The following DLGAP2 variants were observed in gnomAD, a reference collection of about 807,000 sequenced individuals.
DLGAP2 encodes DLG associated protein 2, also known as disks large-associated protein 2.
Under a neutral mutation model 100.3 loss-of-function variants are expected in DLGAP2, and 26 were observed. That is an observed-to-expected ratio of 0.26 (90% CI 0.19 to 0.36). DLGAP2 has a LOEUF of 0.36. DLGAP2 is among the 10% of genes least tolerant of loss of function. The pLI, the probability that DLGAP2 is intolerant of heterozygous loss-of-function variation, is 1.00. For missense variants in DLGAP2, 1,858 were observed against 1,453.2 expected (o/e 1.28, Z -4.53); for synonymous variants, 886 against 630.1 (o/e 1.41, Z -6.08).
chr8:1,379,445 C>T (rs1796039935), intron 3 of DLGAP2, among the ~76,000 whole-genome samples: 1 of 152,256 alleles, frequency 6.6e-6, no homozygotes, highest in African/African-American at 2.4e-5. Context: ...CCAAGGCAGC[C>T]TCCGTCTGCC....
intron 1 of DLGAP2, among the ~76,000 whole-genome samples, chr8:805,737 A>G (rs751043152): frequency 6.6e-6 from 1 of 152,046 alleles, no homozygotes; most frequent in African/African-American, 2.4e-5. Flanking sequence ...AGTAGCTGGG[A>G]CTACTCCTGA....
rs75959456 is a variant in DLGAP2, at chr8:1,591,856, C to G, written c.1442+25962C>G. On this transcript the variant is annotated intron_variant, in intron 6 of 14. Coordinates refer to ENST00000637795, the MANE Select transcript of DLGAP2 (RefSeq NM_001346810.2). ...TGAAGCCCTCGCTTGGCCTCTGCGTCAATAATTCTGACATGAACTACAAAC... is the reference window on the plus strand; with the variant it reads ...TGAAGCCCTCGCTTGGCCTCTGCGTGAATAATTCTGACATGAACTACAAAC... Among the ~76,000 whole-genome samples, 7 of 152,284 alleles carry G rather than the reference C, an allele frequency of 4.6e-5. No individual in the cohort carries two copies. In the East Asian group the frequency reaches 1.4e-3, roughly 29 times the overall value.
intron 2 of DLGAP2, among the ~76,000 whole-genome samples, chr8:1,006,286 C>T (rs1801106749): frequency 6.6e-6 from 1 of 152,214 alleles, no homozygotes; most frequent in Admixed American, 6.5e-5. Flanking sequence ...GCCTTTATCA[C>T]ATCGAGGACG....
chr8:1,264,616 G>C (rs1799415341), intron 3 of DLGAP2, among the ~76,000 whole-genome samples: 1 of 152,106 alleles, frequency 6.6e-6, no homozygotes. Context: ...GGCTCTGGCA[G>C]AATCAAAATC....
intron 4 of DLGAP2, among the ~76,000 whole-genome samples, chr8:1,533,381 C>T (rs527886778): frequency 9.1e-4 from 139 of 151,988 alleles, no homozygotes; most frequent in African/African-American, 3.2e-3. Flanking sequence ...TGGCGGGCAC[C>T]TGTAGTCCGA....
At chr8:1,367,407 A>T (rs1802132837) in intron 3 of DLGAP2, among the ~76,000 whole-genome samples, 1 of 152,222 alleles carries the variant, frequency 6.6e-6, no homozygotes, top group Admixed American at 6.5e-5. Flanking sequence ...CAGACCAACT[A>T]GCACACAAAA....
rs114933559 is a variant in DLGAP2, at chr8:1,287,042, T to C, written c.106+28159T>C. Among the ~76,000 whole-genome samples, 1,511 of 152,316 alleles carry C rather than the reference T, an allele frequency of 9.9e-3. 17 individuals are homozygous for C. The highest frequency in any genetic ancestry group is 0.034 in the African/African-American group (1,434 of 41,568). On this transcript the variant is annotated intron_variant, in intron 3 of 14. Coordinates refer to ENST00000637795, the MANE Select transcript of DLGAP2 (RefSeq NM_001346810.2). ...CAGCTGCTTCATTTGTTCAACTCAG[T>C]GTTGTGTGTGTACATGGTTCTATTA...
chr8:1,156,229 C>T (rs556713460), intron 2 of DLGAP2, among the ~76,000 whole-genome samples: 4 of 152,272 alleles, frequency 2.6e-5, no homozygotes, highest in South Asian at 2.1e-4. Context: ...CTTCAATGAA[C>T]CTGAAACCCA....
At chr8:757,371 T>C (rs1328545598) in intron 1 of DLGAP2, among the ~76,000 whole-genome samples, 1 of 152,214 alleles carries the variant, frequency 6.6e-6, no homozygotes, top group Non-Finnish European at 1.5e-5. Flanking sequence ...ATGAGATTTA[T>C]TGAAAACATG....
chr8:1,433,265 T>C (rs1797511618), intron 3 of DLGAP2, among the ~76,000 whole-genome samples: 1 of 152,168 alleles, frequency 6.6e-6, no homozygotes, highest in African/African-American at 2.4e-5. Flanking sequence ...ACAGAACCCA[T>C]CCAGCTCTCT....
At chr8:1,169,916 T>G (rs1054946981) in intron 2 of DLGAP2, among the ~76,000 whole-genome samples, 3 of 152,010 alleles carry the variant, frequency 2.0e-5, no homozygotes, top group African/African-American at 7.2e-5. Context: ...CTTCCAACAC[T>G]AGGTTGAATA....
chr8:1,204,815 G>C (rs1409427014), intron 2 of DLGAP2, among the ~76,000 whole-genome samples: 1 of 152,190 alleles, frequency 6.6e-6, no homozygotes, highest in Non-Finnish European at 1.5e-5. Flanking sequence ...TGCAAAGAGA[G>C]AGAAGCTTAG....
intron 4 of DLGAP2, among the ~76,000 whole-genome samples, chr8:1,528,254 C>A (rs1800863501): frequency 6.6e-6 from 1 of 152,176 alleles, no homozygotes; most frequent in African/African-American, 2.4e-5. Context: ...GGTCTAGGCC[C>A]AAGCAGGAGC....
chr8:1,507,146 C>T (rs57893488), intron 4 of DLGAP2, among the ~76,000 whole-genome samples: 2,625 of 152,346 alleles, frequency 0.017, 81 homozygotes, highest in African/African-American at 0.059. Flanking sequence ...GAGCTGCCTG[C>T]CAGGCGCCTG....
intron 3 of DLGAP2, chr8:1,301,604 C>G (rs963406874): frequency 1.3e-5 from 2 of 152,218 alleles, no homozygotes; most frequent in Admixed American, 1.3e-4. Context: ...GCGTCCCTGC[C>G]TGATGGACTC....
At chr8:926,528 T>G (rs1469884247) in intron 2 of DLGAP2, among the ~76,000 whole-genome samples, 1 of 152,216 alleles carries the variant, frequency 6.6e-6, no homozygotes, top group Admixed American at 6.5e-5. Flanking sequence ...ACAAGCAGAA[T>G]CTGTGCCCAT....
intron 4 of DLGAP2, among the ~76,000 whole-genome samples, chr8:1,501,695 G>T (rs1332203667): frequency 6.6e-6 from 1 of 152,232 alleles, no homozygotes. Context: ...CTCCAGAGGT[G>T]AAGGACCCCT....
At chr8:890,162 G>A (rs574127667) in intron 1 of DLGAP2, among the ~76,000 whole-genome samples, 23 of 152,206 alleles carry the variant, frequency 1.5e-4, no homozygotes, top group African/African-American at 5.3e-4. Context: ...TTTCCGATGG[G>A]AGCCTCCAAA....
chr8:1,263,714 C>T lies in DLGAP2; in HGVS notation c.106+4831C>T, dbSNP rs1226453361. Among the ~76,000 whole-genome samples, 3 of 152,054 alleles carry T rather than the reference C, an allele frequency of 2.0e-5. No homozygotes were observed. The East Asian group carries it at 5.8e-4, about 29-fold the overall frequency. The stretch of plus-strand genomic sequence containing the variant: ...TGGGGAAAAAATGATAGGATTGCTT[C>T]TTGAAATTGCATATTGAAGAGCTTA... On this transcript the variant is annotated intron_variant, in intron 3 of 14. Coordinates refer to ENST00000637795, the MANE Select transcript of DLGAP2 (RefSeq NM_001346810.2).
Sources: allele counts gnomAD v4.1 joint callset (sites outside exome capture counted in the v4.1 genomes callset), GRCh38; gene constraint gnomAD v4.1.1; transcripts MANE v1.5; gene names NCBI Gene and HGNC (gene_info 2026-07-23, HGNC 2026-07-21).